CDK1: variants seen among roughly 807,000 people sequenced by gnomAD.
CDK1 encodes cyclin dependent kinase 1.
Under a neutral mutation model 34.6 loss-of-function variants are expected in CDK1, and 5 were observed. That is an observed-to-expected ratio of 0.14 (90% CI 0.08 to 0.30). The LOEUF is 0.30. Among genes scored for constraint, CDK1 ranks in the 10% least tolerant of loss-of-function variants. CDK1 has a pLI of 1.00. For synonymous variants in CDK1, 108 were observed against 114.7 expected (o/e 0.94, Z 0.37); for missense variants, 157 against 345.7 (o/e 0.45, Z 4.33).
In CDK1 at chr10:60,791,901, C is replaced by G; in HGVS notation, c.501C>G (p.Leu167=). The change falls in exon 6 of 8, where the codon CTC becomes CTG. Residue 167 remains leucine, a synonymous_variant. Coordinates refer to ENST00000395284, the MANE Select transcript of CDK1 (RefSeq NM_001786.5). The part of the protein sequence containing the change: ...IRVYTHEVVT[L]WYRSPEVLLG... ...TTGCTTTTTAATAGGTAGTAACACT[C>G]TGGTACAGATCTCCAGAAGTATTGC... 6.2e-7 allele frequency: 1 copy of G among 1,610,420 alleles called. No individual in the cohort carries two copies. Among genetic ancestry groups the G allele is most frequent in the Non-Finnish European group, 8.5e-7 (1 of 1,177,866 alleles).
chr10:60,780,040 AGT>A (rs1451468226), intron 1 of CDK1, 99 bp from the exon 2 acceptor site: 2 of 688,440 alleles, frequency 2.9e-6, no homozygotes, highest in African/African-American at 3.6e-5. Flanking sequence ...CTTATGCTGC[AGT>A]AGGCACTGTG....
intron 5 of CDK1, among the ~76,000 whole-genome samples, chr10:60,790,117 ATTC>A (rs1216585380): frequency 6.6e-6 from 1 of 151,892 alleles, no homozygotes; most frequent in East Asian, 1.9e-4. Context: ...CTGGATGTTA[ATTC>A]TTTGTTGTAT....
intron 2 of CDK1, 129 bp from the exon 3 acceptor site, chr10:60,784,576 G>A (rs2080299603): frequency 4.3e-6 from 3 of 689,936 alleles, no homozygotes; most frequent in Non-Finnish European, 7.2e-6. Context: ...GTTGTAGTGA[G>A]CCTTGATTGA....
In CDK1 at chr10:60,786,396, T is replaced by G. The variant is rs866345472; in HGVS notation, c.318+609T>G. On this transcript the variant is annotated intron_variant, in intron 4 of 7. Coordinates refer to ENST00000395284, the MANE Select transcript of CDK1 (RefSeq NM_001786.5). ...ATATATACATATTTTCCCTTTTTTG[T>G]GTAAAACATTATCAAGACGTAGATC... 3 of 776,374 alleles carry G rather than the reference T, an allele frequency of 3.9e-6. No homozygotes were observed. The South Asian group carries it at 1.8e-4, about 46-fold the overall frequency. The allele number at this position is 776,374 out of a possible 1,614,324, so 48.1% of individuals were successfully genotyped here. A position where few individuals can be genotyped will look rare whatever the true frequency, so the allele number is the denominator to read the frequency against.
intron 5 of CDK1, among the ~76,000 whole-genome samples, chr10:60,788,620 T>C (rs539395429): frequency 2.6e-5 from 4 of 152,266 alleles, no homozygotes; most frequent in Admixed American, 1.3e-4. Flanking sequence ...GTCTCCTGAC[T>C]GAACCCTCCC....
chr10:60,783,900 C>T (rs1291235494), intron 2 of CDK1, among the ~76,000 whole-genome samples: 23 of 152,112 alleles, frequency 1.5e-4, no homozygotes, highest in Non-Finnish European at 1.5e-5. Flanking sequence ...AACACCTGGT[C>T]TTTTTTCTCC....
intron 5 of CDK1, among the ~76,000 whole-genome samples, chr10:60,789,204 A>G (rs1266002481): frequency 2.0e-5 from 3 of 152,184 alleles, no homozygotes; most frequent in African/African-American, 7.2e-5. Context: ...GGTAGTTAGC[A>G]TATCCATTGC....
At chr10:60,791,165 A>T (rs978615877) in intron 5 of CDK1, among the ~76,000 whole-genome samples, 1 of 151,880 alleles carries the variant, frequency 6.6e-6, no homozygotes, top group African/African-American at 2.4e-5. Flanking sequence ...TGAACATGGG[A>T]TGTCTTTTTT....
Position 60,794,069 on chromosome 10 carries a change from G to GT in CDK1, c.*96dup, listed in dbSNP as rs1223332536. 5 of 627,470 alleles carry GT rather than the reference G, an allele frequency of 8.0e-6. No individual in the cohort carries two copies. Among genetic ancestry groups the GT allele is most frequent in the Non-Finnish European group, 1.4e-5 (5 of 359,130 alleles). The allele number at this position is 627,470 out of a possible 1,614,324, so 38.9% of individuals were successfully genotyped here. A position where few individuals can be genotyped will look rare whatever the true frequency, so the allele number is the denominator to read the frequency against. ...ATTTTTGTCTTATATATATTTCTTTGTTATCAAACTTCAGCTGTACTTCGT... is the reference window on the plus strand; with the variant it reads ...ATTTTTGTCTTATATATATTTCTTTGTTTATCAAACTTCAGCTGTACTTCGT... On this transcript the variant is annotated 3_prime_UTR_variant, in exon 8 of 8. Coordinates refer to ENST00000395284, the MANE Select transcript of CDK1 (RefSeq NM_001786.5).
At chr10:60,786,928 G>A (rs748761016) in intron 4 of CDK1, 13 of 983,428 alleles carry the variant, frequency 1.3e-5, no homozygotes, top group Non-Finnish European at 1.6e-5. Context: ...AAGATCGAAT[G>A]TATTAGAATA....
intron 1 of CDK1, 107 bp from the exon 2 acceptor site, chr10:60,780,034 T>C: frequency 1.5e-6 from 1 of 672,086 alleles, no homozygotes; most frequent in Non-Finnish European, 2.7e-6. Context: ...GGAATACTTA[T>C]GCTGCAGTAG....
At chr10:60,788,029 TAA>T in intron 4 of CDK1, 29 bp from the exon 5 acceptor site, 1 of 1,186,798 alleles carries the variant, frequency 8.4e-7, no homozygotes, top group Non-Finnish European at 1.1e-6. Flanking sequence ...GTACTTCGCT[TAA>T]GTTTCTAACT....
At chr10:60,785,098 G>A (rs1266746317) in intron 3 of CDK1, among the ~76,000 whole-genome samples, 5 of 152,142 alleles carry the variant, frequency 3.3e-5, no homozygotes, top group Admixed American at 3.3e-4. Context: ...AGAATAGCAA[G>A]GTAAATTGGC....
At chr10:60,790,032 T>C (rs1351538037) in intron 5 of CDK1, among the ~76,000 whole-genome samples, 2 of 152,216 alleles carry the variant, frequency 1.3e-5, no homozygotes, top group Non-Finnish European at 1.5e-5. Flanking sequence ...TGCTGGTCTT[T>C]GTATGTCTTT....
intron 2 of CDK1, among the ~76,000 whole-genome samples, chr10:60,780,927 G>T (rs1015287692): frequency 6.6e-6 from 1 of 152,116 alleles, no homozygotes; most frequent in Non-Finnish European, 1.5e-5. Flanking sequence ...TTTTTAATGT[G>T]ATCAAAGACC....
intron 2 of CDK1, among the ~76,000 whole-genome samples, 190 bp downstream of exon 2, chr10:60,780,392 G>A (rs1589109046): frequency 6.6e-6 from 1 of 152,034 alleles, no homozygotes; most frequent in Non-Finnish European, 1.5e-5. Flanking sequence ...TGAAATTACC[G>A]AATCCCTAAT....
chr10:60,791,765 TAAAC>T (rs1372218410), intron 5 of CDK1, 121 bp from the exon 6 acceptor site: 1 of 530,950 alleles, frequency 1.9e-6, no homozygotes, highest in East Asian at 3.0e-5. Flanking sequence ...TTAATTGACT[TAAAC>T]AATATTATTG....
At chr10:60,780,972 A>G (rs182282257) in intron 2 of CDK1, among the ~76,000 whole-genome samples, 4 of 152,254 alleles carry the variant, frequency 2.6e-5, no homozygotes, top group Admixed American at 2.0e-4. Flanking sequence ...ACAAGGGGGA[A>G]TACTGGAGGG....
Position 60,794,476 on chromosome 10 carries a change from C to T in CDK1, c.*501C>T, listed in dbSNP as rs892108317. Reference sequence around the variant, plus strand: ...TTTTTGACCTAAATGTTTAAGCATTCGGAATGAGAAAACTATACAGATTTG... The same window carrying T: ...TTTTTGACCTAAATGTTTAAGCATTTGGAATGAGAAAACTATACAGATTTG... On this transcript the variant is annotated 3_prime_UTR_variant, in exon 8 of 8. Transcript: ENST00000395284. 2.6e-5 allele frequency: 4 copies of T among 151,888 alleles called. No homozygotes were observed. The highest frequency in any genetic ancestry group is 7.3e-5 in the African/African-American group (3 of 41,352). 9.4% of individuals were successfully genotyped at this position (151,888 alleles called of 1,614,324 possible). A position where few individuals can be genotyped will look rare whatever the true frequency, so the allele number is the denominator to read the frequency against.
Sources: allele counts gnomAD v4.1 joint callset (sites outside exome capture counted in the v4.1 genomes callset), GRCh38; gene constraint gnomAD v4.1.1; transcripts MANE v1.5; gene names NCBI Gene and HGNC (gene_info 2026-07-23, HGNC 2026-07-21).